TPM1: variants seen among roughly 807,000 people sequenced by gnomAD.
The protein encoded by TPM1 is tropomyosin 1, also known as tropomyosin alpha-1 chain.
In TPM1, 24 loss-of-function variants were observed where a neutral mutation model predicts 42.9. The ratio of observed to expected loss-of-function variants is 0.56; its 90% CI spans 0.41 to 0.79. The LOEUF (loss-of-function observed/expected upper bound fraction) is 0.79. Among genes scored for constraint, TPM1 ranks in the 30% least tolerant of loss-of-function variants. TPM1 has a pLI of 0.00. For synonymous variants in TPM1, 136 were observed against 130.1 expected (o/e 1.05, Z -0.31); for missense variants, 158 against 351.8 (o/e 0.45, Z 4.41).
intron 2 of TPM1, chr15:63,048,470 G>C (rs1566943087): frequency 7.2e-7 from 1 of 1,394,156 alleles, no homozygotes; most frequent in Non-Finnish European, 9.2e-7. Flanking sequence ...GGCCTGGGCG[G>C]GGCGGACCGG....
At chr15:63,054,170 C>G (rs2034406247) in intron 2 of TPM1, among the ~76,000 whole-genome samples, 1 of 152,146 alleles carries the variant, frequency 6.6e-6, no homozygotes, top group Non-Finnish European at 1.5e-5. Flanking sequence ...CCATTCCTCC[C>G]ACTATATCAC....
At chr15:63,045,162 C>T (rs572710678) in intron 2 of TPM1, 1 of 152,224 alleles carries the variant, frequency 6.6e-6, no homozygotes, top group South Asian at 2.1e-4. Context: ...CCGAGAGCAA[C>T]AGCAGACTTT....
At chr15:63,048,633 C>T (rs543980919) in intron 2 of TPM1, 11 of 1,536,918 alleles carry the variant, frequency 7.2e-6, no homozygotes, top group Middle Eastern at 3.4e-4. Flanking sequence ...CCTGCAGGAG[C>T]AGGCGGACGC....
At chr15:63,053,970 C>T (rs2034376025) in intron 2 of TPM1, among the ~76,000 whole-genome samples, 1 of 152,044 alleles carries the variant, frequency 6.6e-6, no homozygotes, top group East Asian at 1.9e-4. Flanking sequence ...TGAGCCACAG[C>T]GCCCAGCTGA....
intron 2 of TPM1, chr15:63,048,685 A>G (rs2140731478): frequency 1.3e-6 from 2 of 1,539,282 alleles, no homozygotes; most frequent in Non-Finnish European, 1.8e-6. Flanking sequence ...GAGCTGGACC[A>G]CGAGAGGAAG....
chr15:63,063,264 G>A (rs1232357620), intron 8 of TPM1: 1 of 985,260 alleles, frequency 1.0e-6, no homozygotes, highest in Non-Finnish European at 1.2e-6. Context: ...AAAGAAAAAA[G>A]ACAAATATCT....
At chr15:63,044,500 G>T in intron 2 of TPM1, 1 of 553,216 alleles carries the variant, frequency 1.8e-6, no homozygotes, top group South Asian at 2.5e-5. Context: ...TTTGTGTAGA[G>T]AATGCCAGGT....
chr15:63,062,042 C>A, intron 6 of TPM1, 173 bp from the exon 7 acceptor site: 1 of 717,996 alleles, frequency 1.4e-6, no homozygotes, highest in Non-Finnish European at 2.5e-6. Flanking sequence ...CCATGTAAAA[C>A]AATAGGCAAG....
At chr15:63,070,767 T>C (rs2036563365), downstream of TPM1, 7 of 1,178,176 alleles carry the variant, frequency 5.9e-6, no homozygotes, top group Non-Finnish European at 7.4e-6. Context: ...TGCAGCTGTA[T>C]TTGGTTTTTA....
chr15:63,061,734 A>G lies in TPM1; in HGVS notation c.585A>G (p.Glu195=), dbSNP rs3218717. ...TTAGCAAATGTGCCGAGCTTGAAGA[A>G]GAATTGAAAACTGTGACGAACAACT... ...LSEGKCAELE[E]ELKTVTNNLK... Residue 195 remains glutamate, a synonymous_variant, in exon 6 of 10, where the codon GAA becomes GAG. Coordinates refer to ENST00000403994, the MANE Select transcript of TPM1 (RefSeq NM_001018005.2). 11 of 1,614,166 alleles carry G rather than the reference A, an allele frequency of 6.8e-6. No homozygotes were observed. The highest frequency in any genetic ancestry group is 4.2e-6 in the Non-Finnish European group (5 of 1,180,016).
intron 2 of TPM1, among the ~76,000 whole-genome samples, chr15:63,053,321 A>C (rs1223410340): frequency 2.0e-5 from 3 of 152,146 alleles, no homozygotes; most frequent in Non-Finnish European, 2.9e-5. Flanking sequence ...GCCGGAGAAC[A>C]TCTCAATCTG....
chr15:63,050,486 A>G (rs1443848210), intron 2 of TPM1, among the ~76,000 whole-genome samples: 3 of 152,154 alleles, frequency 2.0e-5, no homozygotes, highest in African/African-American at 7.2e-5. Flanking sequence ...CAAAAGATAA[A>G]TTTTATGAAG....
At chr15:63,055,531 T>C (rs183857554) in intron 2 of TPM1, among the ~76,000 whole-genome samples, 18 of 152,342 alleles carry the variant, frequency 1.2e-4, no homozygotes, top group African/African-American at 4.3e-4. Flanking sequence ...AAAATTAGGT[T>C]GGTTTTACTC....
At chr15:63,059,715 C>T (rs972827952) in intron 4 of TPM1, 35 bp downstream of exon 4, 1 of 1,469,080 alleles carries the variant, frequency 6.8e-7, no homozygotes, top group Non-Finnish European at 9.5e-7. Flanking sequence ...TGTGGACACC[C>T]AGCAGTGGCC....
At chr15:63,061,477 C>A in intron 5 of TPM1, 2 of 729,536 alleles carry the variant, frequency 2.7e-6, no homozygotes, top group South Asian at 1.6e-5. Flanking sequence ...AAAAAAGGAG[C>A]CAAATTATCG....
intron 1 of TPM1, 43 bp from the exon 2 acceptor site, chr15:63,043,984 G>T: frequency 6.2e-7 from 1 of 1,601,920 alleles, no homozygotes; most frequent in Non-Finnish European, 8.5e-7. Flanking sequence ...CACGCTGCCT[G>T]CTGCACCCCC....
chr15:63,069,992 T>C, downstream of TPM1: 1 of 1,613,042 alleles, frequency 6.2e-7, no homozygotes, highest in Non-Finnish European at 8.5e-7. Flanking sequence ...GGAGCCCATG[T>C]GCAGAAAATC....
In TPM1 at chr15:63,057,190, C is replaced by G. The variant is rs1465022643; in HGVS notation, c.374+72C>G. Reference sequence around the variant, plus strand: ...GAATAAACCGGAGGGCTCCTGTGATCTTTGAGGTTTAAGAATTTTTCAGTC... The same window carrying G: ...GAATAAACCGGAGGGCTCCTGTGATGTTTGAGGTTTAAGAATTTTTCAGTC... On this transcript the variant is annotated intron_variant, in intron 3 of 9. Coordinates refer to ENST00000403994, the MANE Select transcript of TPM1 (RefSeq NM_001018005.2). The G allele has an allele frequency of 3.7e-6, 6 of 1,602,466 alleles. No individual in the cohort carries two copies. In the African/African-American group the frequency reaches 8.0e-5, roughly 21 times the overall value.
At position 63,071,202 on chromosome 15, in the gene TPM1, C is replaced by CGTTTT. The variant is rs1555412188; in HGVS notation, c.*46_*50dup. 3.6e-5 allele frequency: 58 copies of CGTTTT among 1,596,712 alleles called. No individual in the cohort carries two copies. In the South Asian group the frequency reaches 4.5e-4, roughly 12 times the overall value. ...CTCCTTAGCTGCGACCACATTCTTT[C>CGTTTT]GTTTTGTTTTGTTTTGTTTTTAAAC... On this transcript the variant is annotated 3_prime_UTR_variant, in exon 9 of 9. Coordinates refer to the TPM1 transcript ENST00000267996.
Sources: gnomAD v4.1 joint callset for allele counts (sites outside exome capture counted in the v4.1 genomes callset) on GRCh38, gnomAD v4.1.1 for gene constraint, MANE v1.5 for transcripts, NCBI Gene and HGNC (gene_info 2026-07-23, HGNC 2026-07-21) for gene names.